The following HS3ST4 variants were observed in gnomAD, a reference collection of about 807,000 sequenced individuals.
The protein encoded by HS3ST4 is heparan sulfate-glucosamine 3-sulfotransferase 4, also known as heparan sulfate glucosamine 3-O-sulfotransferase 4.
A neutral mutation model predicts 29.2 loss-of-function variants in HS3ST4; 17 were observed. The observed-to-expected ratio is 0.58, with a 90% CI of 0.40 to 0.87. The LOEUF (loss-of-function observed/expected upper bound fraction) is 0.87, where lower values mean the gene tolerates loss of function less well. HS3ST4 is among the 40% of genes least tolerant of loss of function. The pLI is 0.00. For missense variants in HS3ST4, 627 were observed against 634.5 expected (o/e 0.99, Z 0.13); for synonymous variants, 314 against 285.7 (o/e 1.10, Z -1.00).
chr16:25,700,848 A>G (rs1334690895), intron 1 of HS3ST4, among the ~76,000 whole-genome samples: 1 of 151,900 alleles, frequency 6.6e-6, no homozygotes, highest in East Asian at 1.9e-4. Flanking sequence ...TGCTGTTTGT[A>G]CTCACTACTT....
chr16:25,762,177 T>C (rs888571550), intron 1 of HS3ST4, among the ~76,000 whole-genome samples: 7 of 152,034 alleles, frequency 4.6e-5, no homozygotes, highest in African/African-American at 1.4e-4. Context: ...GGCACCCTGA[T>C]CTTCTAGCCT....
chr16:25,974,477 G>T (rs940259254), intron 1 of HS3ST4, among the ~76,000 whole-genome samples: 1 of 152,084 alleles, frequency 6.6e-6, no homozygotes, highest in Non-Finnish European at 1.5e-5. Context: ...CCCCAAAGAG[G>T]TCCTTTAATC....
At chr16:25,829,235 G>A (rs978678732) in intron 1 of HS3ST4, among the ~76,000 whole-genome samples, 7 of 152,188 alleles carry the variant, frequency 4.6e-5, no homozygotes, top group African/African-American at 1.4e-4. Flanking sequence ...AGAATTTACT[G>A]TATGAAGGAG....
At chr16:25,859,051 T>A (rs1967611433) in intron 1 of HS3ST4, among the ~76,000 whole-genome samples, 1 of 152,108 alleles carries the variant, frequency 6.6e-6, no homozygotes, top group African/African-American at 2.4e-5. Flanking sequence ...CACACGTCCT[T>A]GGGTTTTTAT....
intron 1 of HS3ST4, among the ~76,000 whole-genome samples, chr16:25,740,731 A>G (rs1966646127): frequency 1.3e-5 from 2 of 152,282 alleles, no homozygotes; most frequent in South Asian, 2.1e-4. Flanking sequence ...ACAATCCCTG[A>G]TACTCATAAG....
chr16:25,749,971 T>A lies in HS3ST4; in HGVS notation c.734+56820T>A, dbSNP rs563749310. Among the ~76,000 whole-genome samples, 105 of 152,328 alleles carry A rather than the reference T, an allele frequency of 6.9e-4. No homozygotes were observed. In the South Asian group the frequency reaches 0.021, roughly 30 times the overall value. ...GGTATAACAAATTCACAAAACTTTA[T>A]ACCATTACACAACCACAATTTTATT... On this transcript the variant is annotated intron_variant, in intron 1 of 1. Coordinates refer to ENST00000331351, the MANE Select transcript of HS3ST4 (RefSeq NM_006040.3).
intron 1 of HS3ST4, among the ~76,000 whole-genome samples, chr16:26,032,057 C>T (rs1969536129): frequency 6.6e-6 from 1 of 152,118 alleles, no homozygotes; most frequent in East Asian, 1.9e-4. Context: ...GCTCTTTTGA[C>T]AGGTGCCATC....
intron 1 of HS3ST4, among the ~76,000 whole-genome samples, chr16:26,100,372 G>A (rs1226672335): frequency 6.6e-6 from 1 of 152,104 alleles, no homozygotes; most frequent in African/African-American, 2.4e-5. Flanking sequence ...CGAAATGTTG[G>A]GTGCTTCCTT....
chr16:26,106,194 A>C (rs562278739), intron 1 of HS3ST4, among the ~76,000 whole-genome samples: 4 of 152,040 alleles, frequency 2.6e-5, no homozygotes, highest in Admixed American at 1.3e-4. Context: ...ATTCAAGTAA[A>C]TTTCCCTTTT....
At chr16:25,975,417 C>T (rs1009091946) in intron 1 of HS3ST4, among the ~76,000 whole-genome samples, 10 of 152,040 alleles carry the variant, frequency 6.6e-5, no homozygotes, top group Admixed American at 1.3e-4. Flanking sequence ...CCCATATATT[C>T]GGCATATTGG....
At chr16:25,812,732 T>C (rs1332654319) in intron 1 of HS3ST4, among the ~76,000 whole-genome samples, 1 of 151,890 alleles carries the variant, frequency 6.6e-6, no homozygotes, top group East Asian at 1.9e-4. Flanking sequence ...GAGACAGAGT[T>C]TTGCTGTTAC....
intron 1 of HS3ST4, among the ~76,000 whole-genome samples, chr16:25,820,664 G>T (rs1967144657): frequency 6.6e-6 from 1 of 151,900 alleles, no homozygotes; most frequent in Non-Finnish European, 1.5e-5. Context: ...CAAACTCTTG[G>T]CCTCAAGAGA....
At chr16:25,915,078 C>T (rs367738333) in intron 1 of HS3ST4, among the ~76,000 whole-genome samples, 81 of 152,254 alleles carry the variant, frequency 5.3e-4, no homozygotes, top group African/African-American at 1.9e-3. Context: ...GGTCCCTGAT[C>T]GCCAGTCGTG....
chr16:25,903,980 T>C (rs531370630), intron 1 of HS3ST4, among the ~76,000 whole-genome samples: 1 of 152,316 alleles, frequency 6.6e-6, no homozygotes, highest in South Asian at 2.1e-4. Flanking sequence ...TGAGAGAACA[T>C]TGAAATGAAT....
At chr16:25,725,100 G>A (rs1168881152) in intron 1 of HS3ST4, among the ~76,000 whole-genome samples, 1 of 148,842 alleles carries the variant, frequency 6.7e-6, no homozygotes, top group Non-Finnish European at 1.5e-5. Flanking sequence ...CCATGATACA[G>A]GATACTTTTA....
At chr16:25,801,527 T>G (rs1299417563) in intron 1 of HS3ST4, among the ~76,000 whole-genome samples, 1 of 152,212 alleles carries the variant, frequency 6.6e-6, no homozygotes, top group African/African-American at 2.4e-5. Context: ...AATAACTACT[T>G]GCTGTTTGCT....
At chr16:25,768,632 G>A (rs1025950981) in intron 1 of HS3ST4, among the ~76,000 whole-genome samples, 1 of 152,160 alleles carries the variant, frequency 6.6e-6, no homozygotes, top group African/African-American at 2.4e-5. Flanking sequence ...GTCTAAAGCT[G>A]TATGGCCTGA....
intron 1 of HS3ST4, among the ~76,000 whole-genome samples, chr16:25,931,723 C>A (rs1029263846): frequency 6.6e-6 from 1 of 152,236 alleles, no homozygotes; most frequent in African/African-American, 2.4e-5. Flanking sequence ...AGCAGTGCTA[C>A]AGAAAGGGAG....
intron 1 of HS3ST4, among the ~76,000 whole-genome samples, chr16:26,003,467 C>A (rs1969230169): frequency 6.6e-6 from 1 of 152,164 alleles, no homozygotes; most frequent in African/African-American, 2.4e-5. Flanking sequence ...CTGCCTCTCT[C>A]ATATTTTGGA....
Sources: gnomAD v4.1 joint callset for allele counts (sites outside exome capture counted in the v4.1 genomes callset) on GRCh38, gnomAD v4.1.1 for gene constraint, MANE v1.5 for transcripts, NCBI Gene and HGNC (gene_info 2026-07-23, HGNC 2026-07-21) for gene names.